Variants in NLGN1 observed in about 807,000 individuals in gnomAD.
The protein encoded by NLGN1 is neuroligin-1.
A neutral mutation model predicts 65.5 loss-of-function variants in NLGN1; 12 were observed. The ratio of observed to expected loss-of-function variants is 0.18; its 90% CI spans 0.12 to 0.30. NLGN1 has a LOEUF of 0.30. NLGN1 is among the 10% of genes least tolerant of loss of function. NLGN1 has a pLI of 1.00. For missense variants in NLGN1, 750 were observed against 1,007.1 expected (o/e 0.74, Z 3.46); for synonymous variants, 350 against 359.5 (o/e 0.97, Z 0.30).
chr3:173,690,445 T>G (rs1486583588), intron 3 of NLGN1, among the ~76,000 whole-genome samples: 3 of 152,164 alleles, frequency 2.0e-5, no homozygotes, highest in African/African-American at 7.2e-5. Flanking sequence ...CTCTTGCTAT[T>G]ACCTTCTGTG....
At chr3:174,061,879 C>T (rs893130299) in intron 4 of NLGN1, among the ~76,000 whole-genome samples, 1 of 152,092 alleles carries the variant, frequency 6.6e-6, no homozygotes, top group Non-Finnish European at 1.5e-5. Context: ...CAGTTGATTG[C>T]ATGTCTCACA....
chr3:174,169,888 T>A (rs1728200799), intron 4 of NLGN1, among the ~76,000 whole-genome samples: 1 of 152,144 alleles, frequency 6.6e-6, no homozygotes, highest in African/African-American at 2.4e-5. Flanking sequence ...CACAGCATTT[T>A]CAAGCCTCTC....
intron 4 of NLGN1, among the ~76,000 whole-genome samples, chr3:174,080,352 T>A (rs1741902136): frequency 6.6e-6 from 1 of 152,214 alleles, no homozygotes. Flanking sequence ...GAGACAAATT[T>A]TACAGGAGTG....
intron 4 of NLGN1, among the ~76,000 whole-genome samples, chr3:174,059,494 C>G (rs116512570): frequency 0.021 from 3,250 of 152,192 alleles, 49 homozygotes; most frequent in African/African-American, 0.03. Context: ...ATCCATCAGC[C>G]TCAATTTCCA....
intron 4 of NLGN1, among the ~76,000 whole-genome samples, chr3:173,965,941 T>A (rs990409854): frequency 1.3e-5 from 2 of 152,186 alleles, no homozygotes; most frequent in African/African-American, 4.8e-5. Flanking sequence ...TCTGTTTGTG[T>A]GTACATTTTG....
At chr3:173,974,891 T>C (rs1717074331) in intron 4 of NLGN1, among the ~76,000 whole-genome samples, 1 of 152,084 alleles carries the variant, frequency 6.6e-6, no homozygotes, top group African/African-American at 2.4e-5. Flanking sequence ...GGGTCATAAA[T>C]CATAAATATT....
At chr3:174,167,510 C>T (rs1383521432) in intron 4 of NLGN1, among the ~76,000 whole-genome samples, 4 of 150,724 alleles carry the variant, frequency 2.7e-5, no homozygotes, top group South Asian at 2.1e-4. Flanking sequence ...AAAGTATTCT[C>T]GCAATCTCTC....
intron 4 of NLGN1, among the ~76,000 whole-genome samples, chr3:173,936,877 C>A (rs1745161544): frequency 6.6e-6 from 1 of 151,916 alleles, no homozygotes; most frequent in South Asian, 2.1e-4. Context: ...TTTATTGTAT[C>A]TGTATTGGGT....
intron 3 of NLGN1, among the ~76,000 whole-genome samples, chr3:173,619,006 A>C (rs1454492406): frequency 6.6e-6 from 1 of 152,136 alleles, no homozygotes; most frequent in Non-Finnish European, 1.5e-5. Context: ...TTGGTTAAAC[A>C]ATCTTTTTTC....
intron 4 of NLGN1, among the ~76,000 whole-genome samples, chr3:174,086,267 A>C (rs1743308133): frequency 6.7e-6 from 1 of 148,708 alleles, no homozygotes; most frequent in African/African-American, 2.5e-5. Flanking sequence ...ACATATATAT[A>C]TTTATGTATG....
intron 5 of NLGN1, among the ~76,000 whole-genome samples, chr3:174,278,367 C>T (rs1018890692): frequency 1.1e-4 from 16 of 151,930 alleles, no homozygotes; most frequent in African/African-American, 3.6e-4. Context: ...TTGTATGAGC[C>T]TTCAAGAATT....
chr3:174,249,672 AGTC>A (rs1744433244), intron 4 of NLGN1, among the ~76,000 whole-genome samples: 1 of 152,222 alleles, frequency 6.6e-6, no homozygotes, highest in African/African-American at 2.4e-5. Flanking sequence ...GTAAAAAGTG[AGTC>A]CTATTCTACT....
At chr3:173,927,950 T>C (rs1163477149) in intron 4 of NLGN1, among the ~76,000 whole-genome samples, 1 of 152,100 alleles carries the variant, frequency 6.6e-6, no homozygotes, top group Non-Finnish European at 1.5e-5. Context: ...TCCGGCACAG[T>C]GCTTTTTATG....
At chr3:173,963,309 T>G (rs1004096165) in intron 4 of NLGN1, among the ~76,000 whole-genome samples, 1 of 123,374 alleles carries the variant, frequency 8.1e-6, no homozygotes, top group African/African-American at 3.6e-5. Context: ...TATAATAACA[T>G]TTATTTTAGG....
intron 3 of NLGN1, among the ~76,000 whole-genome samples, chr3:173,620,926 A>T (rs1394745166): frequency 6.6e-6 from 1 of 152,186 alleles, no homozygotes; most frequent in Non-Finnish European, 1.5e-5. Flanking sequence ...TGCATAATCT[A>T]TGCAGATTTG....
chr3:173,864,650 G>A (rs534671261), intron 4 of NLGN1, among the ~76,000 whole-genome samples: 1 of 152,170 alleles, frequency 6.6e-6, no homozygotes, highest in Admixed American at 6.5e-5. Flanking sequence ...ACCATGCCAT[G>A]AAAAGTTTGA....
At chr3:173,797,206 A>G (rs1029319827) in intron 3 of NLGN1, among the ~76,000 whole-genome samples, 4 of 152,184 alleles carry the variant, frequency 2.6e-5, no homozygotes, top group African/African-American at 9.6e-5. Flanking sequence ...TGAACTCTGT[A>G]GATATTTATT....
intron 2 of NLGN1, among the ~76,000 whole-genome samples, chr3:173,481,322 T>A (rs1727243169): frequency 6.6e-6 from 1 of 152,036 alleles, no homozygotes; most frequent in Admixed American, 6.6e-5. Context: ...TATAAAATTA[T>A]CATGGAAAAG....
intron 4 of NLGN1, among the ~76,000 whole-genome samples, chr3:174,143,468 C>T (rs1182102877): frequency 1.3e-5 from 2 of 152,144 alleles, no homozygotes; most frequent in East Asian, 1.9e-4. Flanking sequence ...CTCAAGATGT[C>T]GCCTTTCATA....
Sources: allele counts gnomAD v4.1 joint callset (sites outside exome capture counted in the v4.1 genomes callset), GRCh38; gene constraint gnomAD v4.1.1; transcripts MANE v1.5; gene names NCBI Gene and HGNC (gene_info 2026-07-23, HGNC 2026-07-21).